The following FAM227A variants were observed in gnomAD, a reference collection of about 807,000 sequenced individuals.
FAM227A encodes family with sequence similarity 227 member A.
Under a neutral mutation model 74.7 loss-of-function variants are expected in FAM227A, and 80 were observed. The observed-to-expected ratio is 1.07, with a 90% confidence interval of 0.89 to 1.29. The LOEUF (loss-of-function observed/expected upper bound fraction) is 1.29, where lower values mean the gene tolerates loss of function less well. Among genes scored for constraint, FAM227A ranks in the 50% most tolerant of loss-of-function variants. FAM227A has a pLI of 0.00. For missense variants in FAM227A, 654 were observed against 683.4 expected (o/e 0.96, Z 0.48); for synonymous variants, 237 against 241.8 (o/e 0.98, Z 0.19).
At chr22:38,621,245 G>A (rs1044279347) in intron 10 of FAM227A, among the ~76,000 whole-genome samples, 2 of 151,752 alleles carry the variant, frequency 1.3e-5, no homozygotes, top group African/African-American at 2.4e-5. Flanking sequence ...AGCTACTTGG[G>A]AGGCTGAGGC....
chr22:38,606,326 C>A (rs1177052822), intron 12 of FAM227A, among the ~76,000 whole-genome samples: 1 of 152,066 alleles, frequency 6.6e-6, no homozygotes, highest in Non-Finnish European at 1.5e-5. Flanking sequence ...ACCATGGTGT[C>A]CAGCTAATTT....
intron 8 of FAM227A, among the ~76,000 whole-genome samples, chr22:38,626,714 A>G (rs1015445918): frequency 6.6e-6 from 1 of 150,870 alleles, no homozygotes; most frequent in Non-Finnish European, 1.5e-5. Context: ...AAATAAAAAA[A>G]ATAAAAAAAA....
At chr22:38,614,838 A>G (rs1453001046) in intron 11 of FAM227A, among the ~76,000 whole-genome samples, 1 of 152,206 alleles carries the variant, frequency 6.6e-6, no homozygotes, top group Non-Finnish European at 1.5e-5. Context: ...CAAACACTGA[A>G]TAATATTTTG....
Position 38,626,317 on chromosome 22 carries a change from C to T in FAM227A, c.727-14G>A, listed in dbSNP as rs369007048. The T allele has an allele frequency of 1.1e-4, 172 of 1,548,916 alleles. No homozygotes were observed. The East Asian group carries it at 1.7e-3, about 15-fold the overall frequency. On this transcript the variant is annotated splice_polypyrimidine_tract_variant and intron_variant, in intron 8 of 16. Transcript: ENST00000535113. ...TGATGGCAGCCTCTGCGGAGCAAGC[C>T]GAGCTCAGGCAACGTTCTCAACATT...
At chr22:38,626,374 A>C (rs563021877) in intron 8 of FAM227A, 71 bp from the exon 9 acceptor site, 2 of 1,483,712 alleles carry the variant, frequency 1.3e-6, no homozygotes, top group Non-Finnish European at 1.8e-6. Flanking sequence ...GGGGATGAGG[A>C]AGGACTTTCT....
rs1569180139 is a variant in FAM227A at position 38,582,435 on chromosome 22, A to T, written c.*3690T>A. On this transcript the variant is annotated 3_prime_UTR_variant, in exon 17 of 17. Transcript: ENST00000535113. ...GACAGAATTAGAATATCATACAATT[A>T]CTCATTTGCTTTATCCCACATTACA... 5 of 1,548,198 alleles carry T rather than the reference A, an allele frequency of 3.2e-6. No individual in the cohort carries two copies. The Admixed American group carries it at 5.9e-5, about 18-fold the overall frequency.
At chr22:38,628,624 A>G (rs527494827) in intron 7 of FAM227A, among the ~76,000 whole-genome samples, 1 of 152,292 alleles carries the variant, frequency 6.6e-6, no homozygotes, top group South Asian at 2.1e-4. Context: ...ACCAGCTCCT[A>G]AAGCCTGGGG....
chr22:38,613,224 T>G (rs375996007), intron 11 of FAM227A, among the ~76,000 whole-genome samples: 1 of 54,224 alleles, frequency 1.8e-5, no homozygotes, highest in Non-Finnish European at 3.2e-5. Context: ...ATGCTGTATA[T>G]ATATTATATA....
chr22:38,641,597 G>A (rs1029377189), intron 3 of FAM227A, among the ~76,000 whole-genome samples: 29 of 150,164 alleles, frequency 1.9e-4, no homozygotes, highest in Non-Finnish European at 3.8e-4. Context: ...ACCTGCAGGC[G>A]AACTTGCCTG....
intron 11 of FAM227A, among the ~76,000 whole-genome samples, chr22:38,609,568 C>G (rs1418999869): frequency 1.3e-5 from 2 of 152,290 alleles, no homozygotes; most frequent in East Asian, 3.9e-4. Context: ...AAGTGGCAGA[C>G]AAGCAGTCCA....
chr22:38,633,304 T>C (rs890089924), intron 6 of FAM227A, among the ~76,000 whole-genome samples: 2 of 151,614 alleles, frequency 1.3e-5, no homozygotes, highest in African/African-American at 4.9e-5. Flanking sequence ...ACAGTTTTAT[T>C]TGTAGTAAGT....
intron 2 of FAM227A, among the ~76,000 whole-genome samples, chr22:38,648,971 CA>C (rs55894604): frequency 0.3 from 39,139 of 128,676 alleles, 5,183 homozygotes; most frequent in East Asian, 0.38. Flanking sequence ...GACTCTGTCT[CA>C]AAAAAAAAAA....
chr22:38,591,772 G>C (rs1356534085), intron 15 of FAM227A, among the ~76,000 whole-genome samples: 1 of 152,106 alleles, frequency 6.6e-6, no homozygotes, highest in Non-Finnish European at 1.5e-5. Flanking sequence ...AACGCTGCCA[G>C]CTCCTTAGAA....
In FAM227A at chr22:38,582,836, T is replaced by C. The variant is rs1030328445; in HGVS notation, c.*3289A>G. ...GATGGCACAGAATGCTGTTGGAGCATAATGCAGTGGAGCACTTGTGCCTAC... is the reference window on the plus strand; with the variant it reads ...GATGGCACAGAATGCTGTTGGAGCACAATGCAGTGGAGCACTTGTGCCTAC... On this transcript the variant is annotated 3_prime_UTR_variant, in exon 17 of 17. Transcript: ENST00000535113. The C allele has an allele frequency of 2.6e-6, 4 of 1,550,028 alleles. No individual in the cohort carries two copies. In the African/African-American group the frequency reaches 5.5e-5, roughly 21 times the overall value.
At chr22:38,626,865 C>CAAA (rs67498232) in intron 8 of FAM227A, among the ~76,000 whole-genome samples, 290 of 16,786 alleles carry the variant, frequency 0.017, 76 homozygotes, top group African/African-American at 0.029. Flanking sequence ...GACTCTGTCT[C>CAAA]AAAAAAAAAA....
chr22:38,650,951 C>T (rs983673468), intron 1 of FAM227A, among the ~76,000 whole-genome samples: 20 of 152,156 alleles, frequency 1.3e-4, no homozygotes, highest in South Asian at 6.2e-4. Context: ...TCATACATAA[C>T]GGAAGGACAG....
At chr22:38,599,728 G>A (rs759414533) in intron 14 of FAM227A, 36 bp downstream of exon 14, 9 of 1,524,792 alleles carry the variant, frequency 5.9e-6, no homozygotes, top group South Asian at 3.8e-5. Context: ...CGGGGGCCTG[G>A]AGCAGTGCGC....
chr22:38,606,202 T>C (rs554735867), intron 12 of FAM227A, among the ~76,000 whole-genome samples: 1 of 152,244 alleles, frequency 6.6e-6, no homozygotes, highest in East Asian at 1.9e-4. Flanking sequence ...AGGGTCTCAC[T>C]GTCACCCAGG....
Position 38,631,194 on chromosome 22 carries a change from G to A in FAM227A, c.520-2259C>T, listed in dbSNP as rs773686973. Reference sequence around the variant, plus strand: ...AAAAAACAAAACAAAACAAAAACTGGATGATGCAGCCATAAAAAAAGAATG... The same window carrying A: ...AAAAAACAAAACAAAACAAAAACTGAATGATGCAGCCATAAAAAAAGAATG... On this transcript the variant is annotated intron_variant, in intron 6 of 16. Coordinates refer to ENST00000535113, the MANE Select transcript of FAM227A (RefSeq NM_001013647.2). Among the ~76,000 whole-genome samples, 21 of 152,046 alleles carry A rather than the reference G, an allele frequency of 1.4e-4. 1 individual carries two copies. Among genetic ancestry groups the A allele is most frequent in the Non-Finnish European group, 2.4e-4 (16 of 68,010 alleles).
Sources: allele counts gnomAD v4.1 joint callset (sites outside exome capture counted in the v4.1 genomes callset), GRCh38; gene constraint gnomAD v4.1.1; transcripts MANE v1.5; gene names NCBI Gene and HGNC (gene_info 2026-07-23, HGNC 2026-07-21).